The following ETS1 variants were observed in gnomAD, a reference collection of about 807,000 sequenced individuals.
ETS1 encodes protein C-ets-1.
In ETS1, 15 loss-of-function variants were observed where a neutral mutation model predicts 58.6. The ratio of observed to expected loss-of-function variants is 0.26; its 90% CI spans 0.17 to 0.39. The LOEUF (loss-of-function observed/expected upper bound fraction) is 0.39, where lower values mean the gene tolerates loss of function less well. Ranked by LOEUF, ETS1 falls within the 10% of genes least tolerant of loss-of-function variation. The probability of loss-of-function intolerance (pLI) is 1.00; values close to 1 mark genes in which losing one functional copy is unlikely to be tolerated. For missense variants in ETS1, 417 were observed against 610.5 expected, an observed-to-expected ratio of 0.68 and a Z score of 3.34; for synonymous variants, 214 against 218.2, an observed-to-expected ratio of 0.98 and a Z score of 0.17.
intron 8 of ETS1, among the ~76,000 whole-genome samples, chr11:128,474,801 G>A (rs147052006): frequency 2.0e-5 from 3 of 152,334 alleles, no homozygotes; most frequent in African/African-American, 7.2e-5. Flanking sequence ...AATCACAACA[G>A]CCTCTGAGCA....
intron 3 of ETS1, among the ~76,000 whole-genome samples, chr11:128,548,208 A>G (rs1173910463): frequency 6.6e-6 from 1 of 152,100 alleles, no homozygotes. Flanking sequence ...AGACGAAGGA[A>G]GAAAAGGAGG....
At chr11:128,563,042 G>A (rs1591664536) in intron 2 of ETS1, among the ~76,000 whole-genome samples, 1 of 152,118 alleles carries the variant, frequency 6.6e-6, no homozygotes, top group Non-Finnish European at 1.5e-5. Context: ...TGTCTGTGGA[G>A]TGGGTGATCT....
intron 5 of ETS1, 58 bp from the exon 6 acceptor site, chr11:128,486,204 T>A (rs1862628114): frequency 9.1e-7 from 1 of 1,093,528 alleles, no homozygotes; most frequent in Non-Finnish European, 1.4e-6. Context: ...ATGCTTGGCC[T>A]AAAAGGATCT....
rs1268123036 is a variant in ETS1, at chr11:128,491,553, C to CCAGA, written c.215-978_215-977insTCTG. Among the ~76,000 whole-genome samples the CCAGA allele has an allele frequency of 5.9e-5, 9 of 152,312 alleles. No homozygotes were observed. In the East Asian group the frequency reaches 1.7e-3, roughly 29 times the overall value. On this transcript the variant is annotated intron_variant, in intron 3 of 9. Transcript: ENST00000392668. The stretch of plus-strand genomic sequence containing the variant: ...AAAAGAATACTCCAGATCAGTGGTT[C>CCAGA]TCAAAGTGTAGTCCTCAGAGCAGGG...
chr11:128,462,655 A>G, intron 9 of ETS1, 79 bp from the exon 10 acceptor site: 1 of 1,010,050 alleles, frequency 9.9e-7, no homozygotes, highest in Non-Finnish European at 1.5e-6. Context: ...TTCTATGCCT[A>G]TGCTATACCC....
chr11:128,522,011 G>A, intron 3 of ETS1: 1 of 1,579,296 alleles, frequency 6.3e-7, no homozygotes, highest in Non-Finnish European at 8.6e-7. Flanking sequence ...AGGAGTGGGG[G>A]ACGTACGGGA....
intron 3 of ETS1, among the ~76,000 whole-genome samples, chr11:128,513,055 G>A (rs1332113004): frequency 6.6e-6 from 1 of 152,240 alleles, no homozygotes; most frequent in Admixed American, 6.5e-5. Context: ...TCTTGGTTCA[G>A]TGCTACCCAA....
chr11:128,506,520 G>C (rs549285198), intron 3 of ETS1, among the ~76,000 whole-genome samples: 1 of 152,256 alleles, frequency 6.6e-6, no homozygotes, highest in African/African-American at 2.4e-5. Context: ...GTGAACTAGC[G>C]GGGTCCAGAA....
At chr11:128,466,154 G>A (rs1027976757) in intron 8 of ETS1, among the ~76,000 whole-genome samples, 10 of 152,186 alleles carry the variant, frequency 6.6e-5, no homozygotes, top group African/African-American at 9.7e-5. Flanking sequence ...GCCAGGCCCC[G>A]CCATGGCATC....
intron 3 of ETS1, among the ~76,000 whole-genome samples, chr11:128,496,149 A>G (rs1374316249): frequency 2.6e-5 from 4 of 152,124 alleles, no homozygotes; most frequent in African/African-American, 7.2e-5. Context: ...GGAAAAAGAA[A>G]AAAAGCCTTC....
rs916105070 is a variant in ETS1 at position 128,462,199 on chromosome 11, G to A, written c.*162C>T. 15 of 602,024 alleles carry A rather than the reference G, an allele frequency of 2.5e-5. No homozygotes were observed. Among genetic ancestry groups the A allele is most frequent in the Middle Eastern group, 4.5e-4 (1 of 2,236 alleles). The allele number at this position is 602,024 out of a possible 1,614,324, so 37.3% of individuals were successfully genotyped here. A position where few individuals can be genotyped will look rare whatever the true frequency, so the allele number is the denominator to read the frequency against. The stretch of plus-strand genomic sequence containing the variant: ...GTCCTGGCTTTCCTTTCCCAACTGC[G>A]CACAATTGATTACAGCTGCAACTGA... On this transcript the variant is annotated 3_prime_UTR_variant, in exon 10 of 10. Transcript: ENST00000392668.
At chr11:128,566,296 T>G (rs1377994837) in intron 2 of ETS1, among the ~76,000 whole-genome samples, 1 of 152,018 alleles carries the variant, frequency 6.6e-6, no homozygotes, top group Non-Finnish European at 1.5e-5. Flanking sequence ...AAGTGAAGAA[T>G]AGAAAGAGAT....
At chr11:128,486,693 G>C (rs1862641600) in intron 5 of ETS1, among the ~76,000 whole-genome samples, 1 of 152,220 alleles carries the variant, frequency 6.6e-6, no homozygotes, top group African/African-American at 2.4e-5. Context: ...CACTGGTAAG[G>C]TGACTCCATT....
rs529681922 is a variant in ETS1, at chr11:128,517,007, A to G, written c.215-26431T>C. Among the ~76,000 whole-genome samples, 7 of 152,312 alleles carry G rather than the reference A, an allele frequency of 4.6e-5. No individual in the cohort carries two copies. In the South Asian group the frequency reaches 8.3e-4, roughly 18 times the overall value. ...TCCTACCTGTGAGAGAGCCAAGGCC[A>G]TATGGAAGACGTTGCAAAAACAAGA... is the stretch of plus-strand genomic sequence containing the variant. On this transcript the variant is annotated intron_variant, in intron 3 of 9. Transcript: ENST00000392668.
At chr11:128,495,898 A>T (rs1283185701) in intron 3 of ETS1, among the ~76,000 whole-genome samples, 3 of 152,144 alleles carry the variant, frequency 2.0e-5, no homozygotes, top group Non-Finnish European at 4.4e-5. Flanking sequence ...TACATTTTTT[A>T]TTTGGCAATT....
intron 3 of ETS1, among the ~76,000 whole-genome samples, chr11:128,545,234 T>C (rs4128561): frequency 0.58 from 87,643 of 151,998 alleles, 27,314 homozygotes; most frequent in East Asian, 0.82. Context: ...AACAGTGTCT[T>C]GTTTTCCCTT....
At chr11:128,490,304 G>C (rs574303959) in intron 4 of ETS1, among the ~76,000 whole-genome samples, 153 bp downstream of exon 4, 13 of 152,320 alleles carry the variant, frequency 8.5e-5, no homozygotes, top group East Asian at 5.8e-4. Context: ...CAGTATGTGT[G>C]TCATGATTGT....
chr11:128,548,792 GGCAGCGCCGGGGTTAACCCT>G (rs1864179455), intron 3 of ETS1, among the ~76,000 whole-genome samples: 1 of 152,230 alleles, frequency 6.6e-6, no homozygotes, highest in African/African-American at 2.4e-5. Context: ...CCGCGTTGCT[GGCAGCGCCGGGGTTAACCCT>G]CCCGCCCTGC....
intron 3 of ETS1, among the ~76,000 whole-genome samples, chr11:128,514,038 T>C (rs1170218388): frequency 2.6e-5 from 4 of 152,124 alleles, no homozygotes; most frequent in African/African-American, 9.7e-5. Flanking sequence ...ACCTGGCACA[T>C]AGTGGGAGAC....
Sources: gnomAD v4.1 joint callset for allele counts (sites outside exome capture counted in the v4.1 genomes callset) on GRCh38, gnomAD v4.1.1 for gene constraint, MANE v1.5 for transcripts, NCBI Gene and HGNC (gene_info 2026-07-23, HGNC 2026-07-21) for gene names.